The following PWWP2B variants were observed in gnomAD, a reference collection of about 807,000 sequenced individuals.
PWWP2B encodes the protein PWWP domain-containing protein 2B.
In PWWP2B, 9 loss-of-function variants were observed where a neutral mutation model predicts 15.5. That is an observed-to-expected ratio of 0.58 (90% confidence interval 0.35 to 1.02). The LOEUF (loss-of-function observed/expected upper bound fraction) is 1.02. PWWP2B is among the 50% of genes least tolerant of loss of function. The probability of loss-of-function intolerance (pLI) is 0.02; values close to 1 mark genes in which losing one functional copy is unlikely to be tolerated. For missense variants in PWWP2B, 864 were observed against 865.3 expected (o/e 1.00, Z 0.02); for synonymous variants, 474 against 403.6 (o/e 1.17, Z -2.09).
intron 2 of PWWP2B, among the ~76,000 whole-genome samples, chr10:132,407,144 G>C (rs1302032539): frequency 6.6e-6 from 1 of 152,160 alleles, no homozygotes. Flanking sequence ...GCCTGCCGAG[G>C]GGCTGTTTTC....
intron 2 of PWWP2B, among the ~76,000 whole-genome samples, chr10:132,410,041 G>A (rs905817108): frequency 1.3e-5 from 2 of 152,104 alleles, no homozygotes; most frequent in Non-Finnish European, 2.9e-5. Flanking sequence ...GGAGTGAGAT[G>A]GTCTTGTTAT....
intron 2 of PWWP2B, among the ~76,000 whole-genome samples, chr10:132,409,320 G>A (rs2069746371): frequency 6.6e-6 from 1 of 152,220 alleles, no homozygotes; most frequent in African/African-American, 2.4e-5. Flanking sequence ...CTGAGGTCCG[G>A]GGCGGGGGCA....
chr10:132,401,990 C>T (rs561743545), intron 1 of PWWP2B, among the ~76,000 whole-genome samples: 2 of 152,330 alleles, frequency 1.3e-5, no homozygotes, highest in South Asian at 2.1e-4. Flanking sequence ...CTGGGCAGGG[C>T]GGCAGCTCCA....
chr10:132,409,647 ACC>A (rs2069751772), intron 2 of PWWP2B, among the ~76,000 whole-genome samples: 1 of 43,530 alleles, frequency 2.3e-5, no homozygotes, highest in Admixed American at 2.0e-4. Context: ...CCACCCACCC[ACC>A]CACCCACACC....
At chr10:132,411,776 C>T (rs1262901228) in intron 2 of PWWP2B, among the ~76,000 whole-genome samples, 6 of 152,244 alleles carry the variant, frequency 3.9e-5, no homozygotes, top group African/African-American at 4.8e-5. Flanking sequence ...GCAGCGACGC[C>T]GCCGTCTCCA....
chr10:132,407,040 G>A (rs567114270), intron 2 of PWWP2B, among the ~76,000 whole-genome samples: 1 of 152,128 alleles, frequency 6.6e-6, no homozygotes, highest in Admixed American at 6.5e-5. Flanking sequence ...TCTGTGCCTG[G>A]GGGGCACTAC....
At chr10:132,406,414 C>T (rs376473540) in intron 2 of PWWP2B, 125 bp downstream of exon 2, 15 of 819,824 alleles carry the variant, frequency 1.8e-5, no homozygotes, top group Admixed American at 3.0e-5. Context: ...AGCTGGCTTG[C>T]TTGGGGCCCC....
intron 2 of PWWP2B, among the ~76,000 whole-genome samples, chr10:132,410,662 C>T (rs1234033628): frequency 1.3e-5 from 2 of 152,016 alleles, no homozygotes; most frequent in Admixed American, 6.5e-5. Context: ...TGAGGGCCAA[C>T]GGGGCACCTG....
rs757890870 is a variant in PWWP2B, at chr10:132,405,802, C to T, written c.1302C>T (p.Ser434=). The stretch of plus-strand genomic sequence containing the variant: ...ACAGCCTGGACGAGGCCAGATCGTC[C>T]GGCTCGGAAGGGACGCCGGCAGACA... ...SSDSLDEARS[S]GSEGTPADTG... Residue 434 remains serine, a synonymous_variant, in exon 2 of 3, where the codon TCC becomes TCT. Transcript: ENST00000305233. 6.3e-5 allele frequency: 102 copies of T among 1,607,682 alleles called. No homozygotes were observed. In the East Asian group the frequency reaches 8.9e-4, roughly 14 times the overall value.
At position 132,405,099 on chromosome 10, in the gene PWWP2B, C is replaced by T; in HGVS notation, c.599C>T (p.Ala200Val). 6.5e-7 allele frequency: 1 copy of T among 1,536,570 alleles called. No individual in the cohort carries two copies. Among genetic ancestry groups the T allele is most frequent in the Non-Finnish European group, 8.8e-7 (1 of 1,141,586 alleles). The change falls in exon 2 of 3, where the codon GCC (alanine) becomes GTC (valine). Residue 200 changes from alanine to valine, a missense_variant. Ala to Val is a moderately conservative substitution (Grantham distance 64, BLOSUM62 0). Transcript: ENST00000305233. ...ASPGPPAAPR[A>V]RRRLGSGPDR... is the part of the protein sequence containing the mutation. ...CCCGGACCCCCAGCCGCGCCCAGGG[C>T]CCGCAGGAGGCTGGGCAGCGGCCCG...
At chr10:132,402,607 G>C (rs1427481109) in intron 1 of PWWP2B, among the ~76,000 whole-genome samples, 1 of 152,236 alleles carries the variant, frequency 6.6e-6, no homozygotes, top group Non-Finnish European at 1.5e-5. Flanking sequence ...TGTATTAAAT[G>C]CTCACAAGGT....
intron 1 of PWWP2B, among the ~76,000 whole-genome samples, chr10:132,397,593 G>A (rs904107579): frequency 2.0e-5 from 3 of 151,710 alleles, no homozygotes; most frequent in South Asian, 2.1e-4. Context: ...GGCCGGGGCG[G>A]GGGGCGCGGG....
intron 1 of PWWP2B, among the ~76,000 whole-genome samples, chr10:132,401,706 C>T (rs1218543158): frequency 6.6e-6 from 1 of 152,264 alleles, no homozygotes; most frequent in African/African-American, 2.4e-5. Flanking sequence ...GCCTGGAGAC[C>T]CCCGTGGGTA....
chr10:132,415,640 C>CACAT (rs749383764), intron 2 of PWWP2B, among the ~76,000 whole-genome samples: 23 of 123,898 alleles, frequency 1.9e-4, no homozygotes, highest in African/African-American at 7.4e-4. Flanking sequence ...CACTCACACA[C>CACAT]CCACTCACAC....
In PWWP2B at chr10:132,404,680, C is replaced by T; in HGVS notation, c.180C>T (p.Ser60=). The T allele has an allele frequency of 3.7e-6, 6 of 1,612,750 alleles. No individual in the cohort carries two copies. The highest frequency in any genetic ancestry group is 5.1e-6 in the Non-Finnish European group (6 of 1,179,848). ...CTCCGCTGCCCCAGGTCGATGAGTCCCCTGTCAACGACAGCCATGGCCGGG... is the reference window on the plus strand; with the variant it reads ...CTCCGCTGCCCCAGGTCGATGAGTCTCCTGTCAACGACAGCCATGGCCGGG... ...PLAPLPQVDE[S]PVNDSHGRAP... Residue 60 remains serine, a synonymous_variant, in exon 2 of 3, where the codon TCC becomes TCT. Coordinates refer to ENST00000305233, the MANE Select transcript of PWWP2B (RefSeq NM_138499.4).
At chr10:132,403,435 C>T (rs945036759) in intron 1 of PWWP2B, among the ~76,000 whole-genome samples, 8 of 152,222 alleles carry the variant, frequency 5.3e-5, no homozygotes, top group Non-Finnish European at 1.0e-4. Flanking sequence ...TCTGTGGACC[C>T]GTTTTCCATG....
At chr10:132,404,191 G>A (rs1363533915) in intron 1 of PWWP2B, among the ~76,000 whole-genome samples, 1 of 152,144 alleles carries the variant, frequency 6.6e-6, no homozygotes, top group African/African-American at 2.4e-5. Flanking sequence ...CGGAGAGGAG[G>A]GAACGGCTGA....
At chr10:132,411,200 C>T (rs1012324970) in intron 2 of PWWP2B, among the ~76,000 whole-genome samples, 3 of 152,230 alleles carry the variant, frequency 2.0e-5, no homozygotes, top group African/African-American at 7.2e-5. Context: ...CTCCACAGAC[C>T]TGGGGGTCCA....
At chr10:132,400,127 G>A (rs927504158) in intron 1 of PWWP2B, among the ~76,000 whole-genome samples, 1 of 152,174 alleles carries the variant, frequency 6.6e-6, no homozygotes, top group Non-Finnish European at 1.5e-5. Flanking sequence ...CTGCTCTTGG[G>A]ATGATTCACT....
Sources: allele counts gnomAD v4.1 joint callset (sites outside exome capture counted in the v4.1 genomes callset), GRCh38; gene constraint gnomAD v4.1.1; transcripts MANE v1.5; gene names NCBI Gene and HGNC (gene_info 2026-07-23, HGNC 2026-07-21).